The following PDE3B variants were observed in gnomAD, a reference collection of about 807,000 sequenced individuals.
PDE3B encodes phosphodiesterase 3B.
Under a neutral mutation model 116.8 loss-of-function variants are expected in PDE3B, and 66 were observed. The observed-to-expected ratio is 0.56, with a 90% CI of 0.46 to 0.69. The LOEUF (loss-of-function observed/expected upper bound fraction) is 0.69. Ranked by LOEUF, PDE3B falls within the 30% of genes least tolerant of loss-of-function variation. The pLI is 0.00. For synonymous variants in PDE3B, 595 were observed against 533.6 expected (o/e 1.12, Z -1.59); for missense variants, 1,384 against 1,368.1 (o/e 1.01, Z -0.18).
the PDE3B span, chr11:14,879,490 T>A: frequency 1.4e-6 from 2 of 1,412,094 alleles, no homozygotes; most frequent in South Asian, 2.4e-5. Context: ...CTTAGAATTA[T>A]ACCTAAAGTT....
intron 1 of PDE3B, among the ~76,000 whole-genome samples, chr11:14,724,749 G>C (rs1294247651): frequency 6.6e-6 from 1 of 152,212 alleles, no homozygotes; most frequent in Non-Finnish European, 1.5e-5. Context: ...AATGCCTTGT[G>C]AGAGGGAGTG....
At chr11:14,682,940 A>ATTT (rs113529850) in intron 1 of PDE3B, among the ~76,000 whole-genome samples, 1 of 141,094 alleles carries the variant, frequency 7.1e-6, no homozygotes, top group Non-Finnish European at 1.6e-5. Flanking sequence ...CATAGTATTG[A>ATTT]TTTTTTTTTT....
chr11:14,771,843 AT>A lies in PDE3B; in HGVS notation c.979-92del, dbSNP rs1857650284. The A allele has an allele frequency of 1.4e-5, 7 of 485,678 alleles. No individual in the cohort carries two copies. In the Admixed American group the frequency reaches 2.1e-4, roughly 15 times the overall value. The allele number at this position is 485,678 out of a possible 1,614,324, so 30.1% of individuals were successfully genotyped here. A position where few individuals can be genotyped will look rare whatever the true frequency, so the allele number is the denominator to read the frequency against. On this transcript the variant is annotated intron_variant, in intron 1 of 15. Coordinates refer to ENST00000282096, the MANE Select transcript of PDE3B (RefSeq NM_000922.4). ...ATATCTCTTCCAGATTTTGAGCTAT[AT>A]TAGATAATTATAATTGAAAATGCTG... is the stretch of plus-strand genomic sequence containing the variant.
Position 14,862,164 on chromosome 11 carries a change from G to T in PDE3B, c.2886+798G>T, listed in dbSNP as rs1450227230. Among the ~76,000 whole-genome samples the T allele has an allele frequency of 2.0e-5, 3 of 152,164 alleles. No homozygotes were observed. The East Asian group carries it at 5.8e-4, about 29-fold the overall frequency. On this transcript the variant is annotated intron_variant, in intron 14 of 15. Transcript: ENST00000282096. ...TTCTGTTGGGTGACTGCCTTTCCCT[G>T]GTGCCAGCTGTGACCAATTATTATT...
chr11:14,888,169 T>G, the PDE3B span, among the ~76,000 whole-genome samples: 1 of 152,196 alleles, frequency 6.6e-6, no homozygotes, highest in East Asian at 1.9e-4. Flanking sequence ...CCTAATTTAG[T>G]TTACTTCCTA....
chr11:14,836,362 A>G (rs1860053711), intron 11 of PDE3B, among the ~76,000 whole-genome samples: 1 of 151,788 alleles, frequency 6.6e-6, no homozygotes, highest in Non-Finnish European at 1.5e-5. Flanking sequence ...TCTCTTTCCT[A>G]TTGGTTTTTA....
chr11:14,681,864 G>T (rs78048268), intron 1 of PDE3B, among the ~76,000 whole-genome samples: 2,002 of 152,134 alleles, frequency 0.013, 98 homozygotes, highest in East Asian at 0.076. Flanking sequence ...GTGGAAGTTA[G>T]GGGTGCTGAC....
intron 1 of PDE3B, among the ~76,000 whole-genome samples, chr11:14,748,196 G>A (rs1481401818): frequency 6.6e-6 from 1 of 152,122 alleles, no homozygotes; most frequent in African/African-American, 2.4e-5. Context: ...AAAATGTTGA[G>A]GATTACTTCA....
At chr11:14,798,080 C>G (rs536526627) in intron 4 of PDE3B, among the ~76,000 whole-genome samples, 12 of 152,250 alleles carry the variant, frequency 7.9e-5, no homozygotes, top group African/African-American at 9.6e-5. Context: ...TCATAAATAG[C>G]TCTTATTATT....
intron 1 of PDE3B, among the ~76,000 whole-genome samples, chr11:14,759,639 C>G (rs904343968): frequency 6.6e-5 from 10 of 150,830 alleles, no homozygotes; most frequent in Admixed American, 3.3e-4. Flanking sequence ...ACCTCCGCCT[C>G]CTGGGTTCAA....
chr11:14,681,596 G>GT (rs1565089611), intron 1 of PDE3B, among the ~76,000 whole-genome samples: 1 of 152,150 alleles, frequency 6.6e-6, no homozygotes, highest in Non-Finnish European at 1.5e-5. Flanking sequence ...AATATACATT[G>GT]TAAAGCTGAA....
At chr11:14,663,002 A>G (rs1048991413) in intron 1 of PDE3B, among the ~76,000 whole-genome samples, 59 of 151,946 alleles carry the variant, frequency 3.9e-4, no homozygotes, top group Non-Finnish European at 7.5e-4. Flanking sequence ...AAGACACATA[A>G]TTGTCAGATT....
At chr11:14,800,683 C>G (rs1474333066) in intron 4 of PDE3B, among the ~76,000 whole-genome samples, 1 of 152,046 alleles carries the variant, frequency 6.6e-6, no homozygotes, top group Non-Finnish European at 1.5e-5. Context: ...TCTGTATTTC[C>G]TGAATTTGAA....
chr11:14,681,202 A>G (rs1464543520), intron 1 of PDE3B, among the ~76,000 whole-genome samples: 1 of 152,214 alleles, frequency 6.6e-6, no homozygotes, highest in Non-Finnish European at 1.5e-5. Flanking sequence ...TTCAACTTAT[A>G]GTGCATTTAT....
intron 2 of PDE3B, among the ~76,000 whole-genome samples, chr11:14,784,257 A>G (rs1858125953): frequency 6.6e-6 from 1 of 152,228 alleles, no homozygotes; most frequent in Non-Finnish European, 1.5e-5. Flanking sequence ...GAAGGAAGAA[A>G]GAACAATGAA....
At chr11:14,873,411 T>C (rs564150552), downstream of PDE3B, among the ~76,000 whole-genome samples, 4 of 152,276 alleles carry the variant, frequency 2.6e-5, no homozygotes, top group South Asian at 2.1e-4. Flanking sequence ...CTTGGTGATA[T>C]TGACTGGAAT....
chr11:14,825,883 A>G (rs967388546), intron 7 of PDE3B, among the ~76,000 whole-genome samples: 2 of 152,196 alleles, frequency 1.3e-5, no homozygotes, highest in Non-Finnish European at 2.9e-5. Context: ...GACAACCCTC[A>G]GCAAATGTAA....
At chr11:14,750,846 C>T (rs1857041472) in intron 1 of PDE3B, among the ~76,000 whole-genome samples, 1 of 152,098 alleles carries the variant, frequency 6.6e-6, no homozygotes, top group Admixed American at 6.6e-5. Context: ...TATTATCTCC[C>T]TGCATCTACA....
intron 1 of PDE3B, among the ~76,000 whole-genome samples, chr11:14,704,255 C>T (rs910241481): frequency 2.0e-5 from 3 of 151,516 alleles, no homozygotes; most frequent in Non-Finnish European, 3.0e-5. Flanking sequence ...CATAATAAAG[C>T]CTATTGATTT....
Sources: gnomAD v4.1 joint callset for allele counts (sites outside exome capture counted in the v4.1 genomes callset) on GRCh38, gnomAD v4.1.1 for gene constraint, MANE v1.5 for transcripts, NCBI Gene and HGNC (gene_info 2026-07-23, HGNC 2026-07-21) for gene names.